DOCK9: variants seen among roughly 807,000 people sequenced by gnomAD.
DOCK9 encodes the protein dedicator of cytokinesis protein 9.
DOCK9 carries 89 observed loss-of-function variants against 263.3 expected under a neutral mutation model. That is an observed-to-expected ratio of 0.34 (90% CI 0.28 to 0.40). DOCK9 has a LOEUF of 0.40. Among genes scored for constraint, DOCK9 ranks in the 10% least tolerant of loss-of-function variants. The pLI, the probability that DOCK9 is intolerant of heterozygous loss-of-function variation, is 1.00. For missense variants in DOCK9, 2,140 were observed against 2,603.4 expected (o/e 0.82, Z 3.87); for synonymous variants, 976 against 973.1 (o/e 1.00, Z -0.06).
intron 45 of DOCK9, among the ~76,000 whole-genome samples, chr13:98,822,056 CTTCCCGTTAGT>C (rs1321170981): frequency 6.6e-6 from 1 of 152,168 alleles, no homozygotes; most frequent in African/African-American, 2.4e-5. Flanking sequence ...AGTCTTTCTG[CTTCCCGTTAGT>C]TTCAATCTGG....
rs553104283 is a variant in DOCK9 at position 99,019,844 on chromosome 13, T to C, written c.130-64293A>G. On this transcript the variant is annotated intron_variant, in intron 1 of 32. Coordinates refer to the DOCK9 transcript ENST00000427887. The stretch of plus-strand genomic sequence containing the variant: ...GGCCAAGCACAGTGGCTCACACCTG[T>C]AATCCTGGCACTTTGGGAGGCCGAG... 8.7e-4 allele frequency among the ~76,000 whole-genome samples: 132 copies of C among 152,136 alleles called. 1 individual carries two copies. The highest frequency in any genetic ancestry group is 3.1e-3 in the African/African-American group (129 of 41,496).
intron 1 of DOCK9, among the ~76,000 whole-genome samples, chr13:99,007,015 C>CT (rs1258216269): frequency 2.0e-5 from 3 of 152,058 alleles, no homozygotes; most frequent in Non-Finnish European, 2.9e-5. Context: ...TGGTTTGAGC[C>CT]CAGGAGGCAG....
chr13:98,827,607 A>C (rs1566623737), intron 43 of DOCK9, among the ~76,000 whole-genome samples: 2 of 152,208 alleles, frequency 1.3e-5, no homozygotes, highest in African/African-American at 4.8e-5. Flanking sequence ...AGGCTGCTCC[A>C]CGTGCACGTG....
chr13:98,993,694 T>C (rs1311014174), intron 1 of DOCK9, among the ~76,000 whole-genome samples: 2 of 152,182 alleles, frequency 1.3e-5, no homozygotes, highest in Non-Finnish European at 2.9e-5. Flanking sequence ...TAAGCTGAGA[T>C]TGCGTCACTG....
At chr13:98,831,601 C>T (rs1160860658) in intron 40 of DOCK9, 48 bp downstream of exon 40, 16 of 1,602,338 alleles carry the variant, frequency 1.0e-5, no homozygotes, top group Non-Finnish European at 1.4e-5. Flanking sequence ...CCCTTCAATT[C>T]CGGGGGAAGA....
upstream of DOCK9, among the ~76,000 whole-genome samples, chr13:99,086,877 C>G (rs1407991141): frequency 6.6e-6 from 1 of 151,748 alleles, no homozygotes; most frequent in Non-Finnish European, 1.5e-5. Context: ...GCCTCCGCCC[C>G]GGGCCGCACG....
intron 1 of DOCK9, among the ~76,000 whole-genome samples, chr13:99,047,422 A>G (rs1311376844): frequency 6.6e-6 from 1 of 152,144 alleles, no homozygotes; most frequent in African/African-American, 2.4e-5. Flanking sequence ...TCTGGGGCCT[A>G]AGAACATCTT....
At chr13:98,941,012 T>C (rs756656885) in intron 2 of DOCK9, among the ~76,000 whole-genome samples, 1 of 152,176 alleles carries the variant, frequency 6.6e-6, no homozygotes, top group Non-Finnish European at 1.5e-5. Context: ...CCAACCGTAC[T>C]AACTTTTCTG....
intron 1 of DOCK9, among the ~76,000 whole-genome samples, chr13:99,072,788 T>A (rs536795065): frequency 1.3e-5 from 2 of 152,200 alleles, no homozygotes; most frequent in South Asian, 4.2e-4. Context: ...TCACTTGAAC[T>A]CGAATTTGAG....
intron 3 of DOCK9, among the ~76,000 whole-genome samples, chr13:98,929,005 A>G (rs9557093): frequency 1.3e-5 from 2 of 152,214 alleles, no homozygotes; most frequent in East Asian, 3.9e-4. Context: ...ATTGTTATTT[A>G]ATTGGTCTTT....
chr13:98,962,464 C>A (rs117903572), intron 1 of DOCK9, among the ~76,000 whole-genome samples: 1 of 152,156 alleles, frequency 6.6e-6, no homozygotes, highest in South Asian at 2.1e-4. Context: ...CACACGAATG[C>A]TGACGAGGAT....
chr13:99,019,067 G>T (rs902757811), intron 1 of DOCK9, among the ~76,000 whole-genome samples: 16 of 152,196 alleles, frequency 1.1e-4, no homozygotes, highest in Admixed American at 3.9e-4. Flanking sequence ...CAGGAACAAA[G>T]TACTGATGCA....
chr13:98,910,274 C>T (rs1290562365), intron 9 of DOCK9, among the ~76,000 whole-genome samples: 1 of 152,192 alleles, frequency 6.6e-6, no homozygotes, highest in Non-Finnish European at 1.5e-5. Context: ...CTAACTTGAA[C>T]TACGGTTTGT....
intron 6 of DOCK9, 39 bp from the exon 7 acceptor site, chr13:98,921,127 G>C (rs1308146886): frequency 1.3e-6 from 2 of 1,564,572 alleles, no homozygotes; most frequent in Non-Finnish European, 1.7e-6. Context: ...CTTTCAAAAT[G>C]AAGAGGGTCA....
chr13:98,874,505 C>T (rs996035869), intron 27 of DOCK9, among the ~76,000 whole-genome samples: 2 of 152,194 alleles, frequency 1.3e-5, no homozygotes, highest in Admixed American at 6.5e-5. Flanking sequence ...CAGCAGATAT[C>T]TAGACGTGGA....
At chr13:98,952,949 C>CT (rs1255199854) in intron 2 of DOCK9, among the ~76,000 whole-genome samples, 5 of 152,206 alleles carry the variant, frequency 3.3e-5, no homozygotes, top group African/African-American at 1.2e-4. Context: ...AAATAAAACA[C>CT]TTTCCCCAAT....
chr13:98,995,485 C>CTTTTTT (rs140398881), intron 1 of DOCK9, among the ~76,000 whole-genome samples: 1 of 121,470 alleles, frequency 8.2e-6, no homozygotes. Context: ...GAGGAAGATA[C>CTTTTTT]TTTTTTTTTT....
chr13:98,827,448 G>A (rs932619992), intron 43 of DOCK9, among the ~76,000 whole-genome samples: 5 of 152,234 alleles, frequency 3.3e-5, no homozygotes, highest in Middle Eastern at 3.2e-3. Context: ...TTGCCATGGT[G>A]TTATAAAGAT....
At chr13:99,043,302 A>C (rs766964283) in intron 1 of DOCK9, among the ~76,000 whole-genome samples, 3 of 152,230 alleles carry the variant, frequency 2.0e-5, no homozygotes, top group Non-Finnish European at 4.4e-5. Context: ...CTCAGAAATC[A>C]AACTTCTCTT....
Sources: gnomAD v4.1 joint callset for allele counts (sites outside exome capture counted in the v4.1 genomes callset) on GRCh38, gnomAD v4.1.1 for gene constraint, MANE v1.5 for transcripts, NCBI Gene and HGNC (gene_info 2026-07-23, HGNC 2026-07-21) for gene names.